RBBP5: variants seen among roughly 807,000 people sequenced by gnomAD.
RBBP5 encodes retinoblastoma-binding protein 5.
Under a neutral mutation model 72.2 loss-of-function variants are expected in RBBP5, and 5 were observed. The ratio of observed to expected loss-of-function variants is 0.07; its 90% CI spans 0.04 to 0.15. The LOEUF (loss-of-function observed/expected upper bound fraction) is 0.15, where lower values mean the gene tolerates loss of function less well. RBBP5 is among the 10% of genes least tolerant of loss of function. The pLI, the probability that RBBP5 is intolerant of heterozygous loss-of-function variation, is 1.00. For synonymous variants in RBBP5, 209 were observed against 237.2 expected (o/e 0.88, Z 1.09); for missense variants, 322 against 652.2 (o/e 0.49, Z 5.51).
chr1:205,118,811 C>T (rs752920317), intron 1 of RBBP5, among the ~76,000 whole-genome samples: 1 of 152,048 alleles, frequency 6.6e-6, no homozygotes, highest in South Asian at 2.1e-4. Flanking sequence ...TTAATTATAT[C>T]TCCGGTGCAC....
intron 5 of RBBP5, among the ~76,000 whole-genome samples, chr1:205,102,051 G>A (rs574328425): frequency 4.0e-5 from 6 of 151,866 alleles, no homozygotes; most frequent in Non-Finnish European, 5.9e-5. Flanking sequence ...CATGCGCCAC[G>A]ACGCCTGGCT....
chr1:205,118,336 G>A (rs1402317841), intron 1 of RBBP5, among the ~76,000 whole-genome samples: 1 of 152,100 alleles, frequency 6.6e-6, no homozygotes, highest in Non-Finnish European at 1.5e-5. Context: ...TATCGGCCAG[G>A]TGCAGCGGCT....
chr1:205,099,613 T>C lies in RBBP5; in HGVS notation c.978+128A>G, dbSNP rs892031852. The C allele has an allele frequency of 7.0e-6, 7 of 1,004,976 alleles. No homozygotes were observed. Among genetic ancestry groups the C allele is most frequent in the South Asian group, 6.8e-5 (4 of 58,612 alleles). 62.3% of individuals were successfully genotyped at this position (1,004,976 alleles called of 1,614,324 possible). A position where few individuals can be genotyped will look rare whatever the true frequency, so the allele number is the denominator to read the frequency against. ...AGTGCAACTAGATGCACTGAACCTA[T>C]GTAATTTAGGTTGCGAGAATCATAT... On this transcript the variant is annotated intron_variant, in intron 9 of 13. Transcript: ENST00000264515. The surrounding 1 kb of genome is among the most constrained non-coding windows in gnomAD (Gnocchi z 4.7).
chr1:205,117,977 T>G (rs1025644206), intron 1 of RBBP5, among the ~76,000 whole-genome samples: 1 of 151,816 alleles, frequency 6.6e-6, no homozygotes, highest in Non-Finnish European at 1.5e-5. Context: ...GTCCGGCTAA[T>G]TTTTGTATTT....
chr1:205,105,786 T>C (rs898645450), intron 3 of RBBP5, among the ~76,000 whole-genome samples: 18 of 152,200 alleles, frequency 1.2e-4, no homozygotes, highest in African/African-American at 4.3e-4. Context: ...AACCTGGTAA[T>C]GCCAGTGGGC....
intron 5 of RBBP5, 21 bp from the exon 6 acceptor site, chr1:205,101,730 G>GA: frequency 2.6e-6 from 4 of 1,533,202 alleles, no homozygotes; most frequent in East Asian, 2.3e-5. Context: ...AAGGAGGGGG[G>GA]AAAAAAGTAA....
chr1:205,118,325 A>C (rs369130432), intron 1 of RBBP5, among the ~76,000 whole-genome samples: 5 of 151,978 alleles, frequency 3.3e-5, no homozygotes, highest in Non-Finnish European at 7.4e-5. Context: ...AGATTAGAAA[A>C]TATCGGCCAG....
rs766749251 is a variant in RBBP5, at chr1:205,088,834, A to G, written c.1589-19T>C. On this transcript the variant is annotated intron_variant, in intron 13 of 13. Coordinates refer to ENST00000264515, the MANE Select transcript of RBBP5 (RefSeq NM_005057.4). ...CCTCCTGCTAAAGAGATTAGACACA[A>G]AAAGATTTCTTTTAGCTTCAATTTA... is the stretch of plus-strand genomic sequence containing the variant. The G allele has an allele frequency of 6.4e-7, 1 of 1,563,938 alleles. No individual in the cohort carries two copies. Among genetic ancestry groups the G allele is most frequent in the Non-Finnish European group, 8.7e-7 (1 of 1,154,690 alleles).
chr1:205,114,197 A>C (rs1656433390), intron 3 of RBBP5, among the ~76,000 whole-genome samples: 2 of 152,198 alleles, frequency 1.3e-5, no homozygotes, highest in African/African-American at 4.8e-5. Flanking sequence ...ACAAAAGGAG[A>C]TAGACTTAAC....
chr1:205,121,741 G>C, intron 1 of RBBP5, 114 bp downstream of exon 1: 1 of 1,525,408 alleles, frequency 6.6e-7, no homozygotes, highest in East Asian at 2.3e-5. Context: ...GGTGTGCCCA[G>C]TGATCCATAG....
At chr1:205,107,864 T>C (rs900380001) in intron 3 of RBBP5, among the ~76,000 whole-genome samples, 2 of 149,934 alleles carry the variant, frequency 1.3e-5, no homozygotes, top group African/African-American at 4.9e-5. Flanking sequence ...AAGAATCGCT[T>C]GAAACCAGGA....
At chr1:205,111,797 T>A (rs1432010668) in intron 3 of RBBP5, among the ~76,000 whole-genome samples, 1 of 152,166 alleles carries the variant, frequency 6.6e-6, no homozygotes, top group Non-Finnish European at 1.5e-5. Context: ...AGAGTACATA[T>A]GAGCTAGGAA....
intron 5 of RBBP5, among the ~76,000 whole-genome samples, chr1:205,102,996 C>CAAA (rs376931698): frequency 0.014 from 1,628 of 117,256 alleles, 28 homozygotes; most frequent in African/African-American, 0.033. Context: ...AACTCCATCT[C>CAAA]AAAAAAAAAA....
chr1:205,090,882 G>A (rs1245265830), intron 13 of RBBP5, among the ~76,000 whole-genome samples: 2 of 151,980 alleles, frequency 1.3e-5, no homozygotes, highest in Non-Finnish European at 2.9e-5. Flanking sequence ...AGGAGGGAGG[G>A]AGGGGAGAGA....
chr1:205,107,895 G>A (rs958103818), intron 3 of RBBP5, among the ~76,000 whole-genome samples: 4 of 145,812 alleles, frequency 2.7e-5, no homozygotes, highest in African/African-American at 5.1e-5. Context: ...GCAGTGAGCC[G>A]AGATCGCGCT....
chr1:205,101,742 T>C (rs1423222485), intron 5 of RBBP5, 33 bp from the exon 6 acceptor site: 5 of 1,451,980 alleles, frequency 3.4e-6, no homozygotes, highest in African/African-American at 2.8e-5. Flanking sequence ...AAAAAGTAAG[T>C]GTTCCAATAA....
At chr1:205,107,873 G>T (rs1314460178) in intron 3 of RBBP5, among the ~76,000 whole-genome samples, 1 of 150,848 alleles carries the variant, frequency 6.6e-6, no homozygotes, top group Non-Finnish European at 1.5e-5. Flanking sequence ...TTGAAACCAG[G>T]AGGCAGAGGT....
intron 3 of RBBP5, among the ~76,000 whole-genome samples, chr1:205,108,868 T>G (rs1656187790): frequency 6.6e-6 from 1 of 152,212 alleles, no homozygotes; most frequent in South Asian, 2.1e-4. Flanking sequence ...CAGAAGGCTG[T>G]TGAAAGAATT....
At chr1:205,103,775 A>T in intron 5 of RBBP5, 82 bp downstream of exon 5, 1 of 1,518,972 alleles carries the variant, frequency 6.6e-7, no homozygotes, top group Non-Finnish European at 9.0e-7. Context: ...AAGAATAAAA[A>T]CAATTTTCAA....
Sources: allele counts gnomAD v4.1 joint callset (sites outside exome capture counted in the v4.1 genomes callset), GRCh38; gene constraint gnomAD v4.1.1; non-coding constraint Gnocchi (gnomAD v3.1); transcripts MANE v1.5; gene names NCBI Gene and HGNC (gene_info 2026-07-23, HGNC 2026-07-21).